IL17RB: variants seen among roughly 807,000 people sequenced by gnomAD.
IL17RB encodes interleukin 17 receptor B.
A neutral mutation model predicts 43.9 loss-of-function variants in IL17RB; 36 were observed. That is an observed-to-expected ratio of 0.82 (90% CI 0.63 to 1.08). The LOEUF (loss-of-function observed/expected upper bound fraction) is 1.08, where lower values mean the gene tolerates loss of function less well. Ranked by LOEUF, IL17RB falls within the 50% of genes least tolerant of loss-of-function variation. The pLI is 0.00. For missense variants in IL17RB, 613 were observed against 613.6 expected, an observed-to-expected ratio of 1.00 and a Z score of 0.01; for synonymous variants, 225 against 225.4, an observed-to-expected ratio of 1.00 and a Z score of 0.02.
At chr3:53,853,044 T>C in intron 5 of IL17RB, 47 bp downstream of exon 5, 1 of 1,610,548 alleles carries the variant, frequency 6.2e-7, no homozygotes, top group Non-Finnish European at 8.5e-7. Context: ...CTGGGATGCC[T>C]GCTTTGCGAT....
At position 53,865,361 on chromosome 3, in the gene IL17RB, G is replaced by A; in HGVS notation, c.*53G>A. 10 of 1,397,862 alleles carry A rather than the reference G, an allele frequency of 7.2e-6. No homozygotes were observed. In the Admixed American group the frequency reaches 8.7e-5, roughly 12 times the overall value. 86.6% of individuals were successfully genotyped at this position (1,397,862 alleles called of 1,614,324 possible). A position where few individuals can be genotyped will look rare whatever the true frequency, so the allele number is the denominator to read the frequency against. Reference sequence around the variant, plus strand: ...AAGGCTTCCTATCCCACCAATTACAGGGAAAAAACGTGTGATGATCCTGAA... The same window carrying A: ...AAGGCTTCCTATCCCACCAATTACAAGGAAAAAACGTGTGATGATCCTGAA... On this transcript the variant is annotated 3_prime_UTR_variant, in exon 11 of 11. Transcript: ENST00000288167.
intron 2 of IL17RB, among the ~76,000 whole-genome samples, chr3:53,849,348 C>CAGCG (rs1699048563): frequency 6.6e-6 from 1 of 152,062 alleles, no homozygotes; most frequent in Admixed American, 6.5e-5. Flanking sequence ...ATAAATCAGC[C>CAGCG]AGCGCTAAGA....
At position 53,865,427 on chromosome 3, in the gene IL17RB, A is replaced by C. The variant is rs1699752688; in HGVS notation, c.*119A>C. 1.4e-6 allele frequency: 1 copy of C among 710,670 alleles called. No homozygotes were observed. Among genetic ancestry groups the C allele is most frequent in the African/African-American group, 1.8e-5 (1 of 56,248 alleles). The allele number at this position is 710,670 out of a possible 1,614,324, so 44.0% of individuals were successfully genotyped here. A position where few individuals can be genotyped will look rare whatever the true frequency, so the allele number is the denominator to read the frequency against. On this transcript the variant is annotated 3_prime_UTR_variant, in exon 11 of 11. Transcript: ENST00000288167. ...TACAAACAGCCTTAGTAATTAAAACATTTTATACCAATAAAATTTTCAAAT... is the reference window on the plus strand; with the variant it reads ...TACAAACAGCCTTAGTAATTAAAACCTTTTATACCAATAAAATTTTCAAAT...
chr3:53,855,254 C>G (rs1475273794), intron 5 of IL17RB, 40 bp from the exon 6 acceptor site: 1 of 1,446,526 alleles, frequency 6.9e-7, no homozygotes, highest in Non-Finnish European at 9.7e-7. Context: ...GGCAGAGATA[C>G]CTTTTTCTAA....
intron 10 of IL17RB, among the ~76,000 whole-genome samples, chr3:53,863,857 C>T (rs66583280): frequency 0.038 from 5,572 of 146,362 alleles, 142 homozygotes; most frequent in South Asian, 0.07. Flanking sequence ...GGGTCTCACT[C>T]TGTTGCCCAG....
At position 53,852,142 on chromosome 3, in the gene IL17RB, T is replaced by C. The variant is rs28476563; in HGVS notation, c.354+16T>C. 1 of 1,613,358 alleles carries C rather than the reference T, an allele frequency of 6.2e-7. No homozygotes were observed. The highest frequency in any genetic ancestry group is 1.3e-5 in the African/African-American group (1 of 74,934). ...TGGTGGTAAAGTAAGCACTTTTTTG[T>C]TTTTTGTTTTGTTTTTTGAGATAGC... On this transcript the variant is annotated intron_variant, in intron 4 of 10. Coordinates refer to ENST00000288167, the MANE Select transcript of IL17RB (RefSeq NM_018725.4).
Position 53,856,956 on chromosome 3 carries a change from C to T in IL17RB, c.642C>T (p.Ser214=). The T allele has an allele frequency of 6.2e-7, 1 of 1,614,096 alleles. No homozygotes were observed. The highest frequency in any genetic ancestry group is 1.1e-5 in the South Asian group (1 of 91,088). ...GATACATGGCTCTTATCCAACACAG[C>T]ACTATCATCGGGTTTTCTCAGGTGT... ...GNRYMALIQH[S]TIIGFSQVFE... is the part of the protein sequence containing the mutation. Residue 214 remains serine (S), a synonymous_variant, in exon 7 of 11, where the codon AGC becomes AGT. Transcript: ENST00000288167.
intron 10 of IL17RB, 128 bp downstream of exon 10, chr3:53,860,356 A>C: frequency 1.5e-6 from 1 of 655,498 alleles, no homozygotes; most frequent in Non-Finnish European, 2.6e-6. Flanking sequence ...TTTATGTAAT[A>C]CCTTCAAGTG....
Position 53,865,159 on chromosome 3 carries a change from A to G in IL17RB, c.1360A>G (p.Lys454Glu). 4 of 1,614,194 alleles carry G rather than the reference A, an allele frequency of 2.5e-6. No individual in the cohort carries two copies. Among genetic ancestry groups the G allele is most frequent in the Non-Finnish European group, 3.4e-6 (4 of 1,180,040 alleles). ...VVVYFREIDT[K>E]DDYNALSVCP... ...GGTCTACTTTAGAGAGATTGATACA[A>G]AAGACGATTACAATGCTCTCAGTGT... is the stretch of plus-strand genomic sequence containing the variant. Residue 454 changes from lysine (K) to glutamate (E), a missense_variant, in exon 11 of 11, where the codon AAA becomes GAA. Coordinates refer to ENST00000288167, the MANE Select transcript of IL17RB (RefSeq NM_018725.4).
In IL17RB at chr3:53,852,111, A is replaced by G. The variant is rs369284626; in HGVS notation, c.339A>G (p.Arg113=). 1.5e-5 allele frequency: 24 copies of G among 1,613,764 alleles called. No homozygotes were observed. Among genetic ancestry groups the G allele is most frequent in the Non-Finnish European group, 1.9e-5 (22 of 1,179,990 alleles). The change falls in exon 4 of 11, where the codon AGA becomes AGG. Residue 113 remains arginine (R), a synonymous_variant. Transcript: ENST00000288167. ...NYTEAFQTQT[R]PSGGKWTFSY... is the part of the protein sequence containing the mutation. ...CAGAGGCCTTCCAGACTCAGACCAGACCCTCTGGTGGTAAAGTAAGCACTT... is the reference window on the plus strand; with the variant it reads ...CAGAGGCCTTCCAGACTCAGACCAGGCCCTCTGGTGGTAAAGTAAGCACTT...
At chr3:53,855,823 T>C (rs953821894) in intron 6 of IL17RB, among the ~76,000 whole-genome samples, 1 of 152,216 alleles carries the variant, frequency 6.6e-6, no homozygotes, top group African/African-American at 2.4e-5. Context: ...CGCTCTCAAT[T>C]TGTGTCCTCA....
chr3:53,865,137 CTACTT>C lies in IL17RB; in HGVS notation c.1341_1345del (p.Tyr447Ter). On this transcript the variant is annotated frameshift_variant, in exon 11 of 11. Coordinates refer to ENST00000288167, the MANE Select transcript of IL17RB (RefSeq NM_018725.4). LOFTEE classifies it low-confidence loss of function (END_TRUNC). ...TTCATCTGCACAAATACGTGGTGGT[CTACTT>C]TAGAGAGATTGATACAAAAGACGAT... 1 of 1,614,138 alleles carries C rather than the reference CTACTT, an allele frequency of 6.2e-7. No homozygotes were observed. Among genetic ancestry groups the C allele is most frequent in the Non-Finnish European group, 8.5e-7 (1 of 1,180,010 alleles).
intron 5 of IL17RB, among the ~76,000 whole-genome samples, 167 bp from the exon 6 acceptor site, chr3:53,855,116 CAAAAAAAAAAA>C (rs746854673): frequency 5.8e-5 from 4 of 69,408 alleles, no homozygotes; most frequent in Non-Finnish European, 1.1e-4. Flanking sequence ...GACTCCGGCT[CAAAAAAAAAAA>C]AAAAAAAAAA....
At position 53,851,671 on chromosome 3, in the gene IL17RB, G is replaced by C. The variant is rs1309587639; in HGVS notation, c.227-328G>C. Among the ~76,000 whole-genome samples the C allele has an allele frequency of 2.0e-5, 3 of 152,172 alleles. No homozygotes were observed. In the South Asian group the frequency reaches 6.2e-4, roughly 31 times the overall value. On this transcript the variant is annotated intron_variant, in intron 3 of 10. Transcript: ENST00000288167. ...AGGCCAGCCTCTTCCTCTTAAAAGA[G>C]ACCCAGAATAGTGCAGAGCTATAGC...
At chr3:53,847,065 C>G (rs1203522156) in intron 1 of IL17RB, among the ~76,000 whole-genome samples, 1 of 152,312 alleles carries the variant, frequency 6.6e-6, no homozygotes, top group East Asian at 1.9e-4. Context: ...TTAGTACCCC[C>G]TCCCTTTTTG....
At position 53,848,441 on chromosome 3, in the gene IL17RB, T is replaced by G. The variant is rs374830574; in HGVS notation, c.61-223T>G. 4.6e-5 allele frequency among the ~76,000 whole-genome samples: 7 copies of G among 152,304 alleles called. No homozygotes were observed. The South Asian group carries it at 1.2e-3, about 27-fold the overall frequency. Reference sequence around the variant, plus strand: ...CTTCAAGTGAGGTTATGCACTGGCTTGAGGATCAGGTATACTGATGGCTAA... The same window carrying G: ...CTTCAAGTGAGGTTATGCACTGGCTGGAGGATCAGGTATACTGATGGCTAA... On this transcript the variant is annotated intron_variant, in intron 1 of 10. Transcript: ENST00000288167.
chr3:53,850,262 C>T (rs570008839), intron 3 of IL17RB, among the ~76,000 whole-genome samples: 21 of 152,146 alleles, frequency 1.4e-4, no homozygotes, highest in African/African-American at 3.4e-4. Context: ...TTTGGGAGGC[C>T]GAGGTGGGTG....
chr3:53,847,021 G>C (rs1326103336), intron 1 of IL17RB, among the ~76,000 whole-genome samples: 1 of 152,236 alleles, frequency 6.6e-6, no homozygotes, highest in African/African-American at 2.4e-5. Flanking sequence ...CTTGGGGTCT[G>C]CTCACCTGTT....
At position 53,857,689 on chromosome 3, in the gene IL17RB, A is replaced by T. The variant is rs371146133; in HGVS notation, c.746A>T (p.Gln249Leu). 9.3e-6 allele frequency: 15 copies of T among 1,613,668 alleles called. No homozygotes were observed. In the African/African-American group the frequency reaches 1.2e-4, roughly 13 times the overall value. Residue 249 changes from glutamine (Q) to leucine (L), a missense_variant and splice_region_variant, in exon 8 of 11, where the codon CAG becomes CTG. Physicochemically the swap from Gln to Leu is moderately radical, Grantham distance 113 (BLOSUM62 -2). Transcript: ENST00000288167. ...GGGGATAGTGAAGGTGCTACGGTGC[A>T]GGTAAAGTTCAGTGAGCTGCTCTGG... ...VTGDSEGATV[Q>L]LTPYFPTCGS...
Sources: allele counts gnomAD v4.1 joint callset (sites outside exome capture counted in the v4.1 genomes callset), GRCh38; gene constraint gnomAD v4.1.1; transcripts MANE v1.5; gene names NCBI Gene and HGNC (gene_info 2026-07-23, HGNC 2026-07-21).